Variants in GNA12 observed in about 807,000 individuals in gnomAD.
The protein encoded by GNA12 is G protein subunit alpha 12.
In GNA12, 9 loss-of-function variants were observed where a neutral mutation model predicts 26.0. That is an observed-to-expected ratio of 0.35 (90% confidence interval 0.21 to 0.60). GNA12 has a LOEUF of 0.60. Ranked by LOEUF, GNA12 falls within the 20% of genes least tolerant of loss-of-function variation. The pLI is 0.78. For synonymous variants in GNA12, 264 were observed against 219.6 expected (o/e 1.20, Z -1.79); for missense variants, 405 against 525.8 (o/e 0.77, Z 2.25).
chr7:2,818,896 C>G (rs1793284315), intron 1 of GNA12, among the ~76,000 whole-genome samples: 2 of 152,160 alleles, frequency 1.3e-5, no homozygotes, highest in Admixed American at 6.5e-5. Flanking sequence ...TCCCCTGTAA[C>G]TAGAAGGCTG....
rs1792967455 is a variant in GNA12, at chr7:2,807,062, T to C, written c.310-11919A>G. On this transcript the variant is annotated intron_variant, in intron 1 of 3. Coordinates refer to ENST00000275364, the MANE Select transcript of GNA12 (RefSeq NM_007353.3). ...CTTTATTTTCCCCCAAATTGTTTTT[T>C]AGTTGATCTATTTGCTTCACGAAAA... Among the ~76,000 whole-genome samples, 2 of 152,248 alleles carry C rather than the reference T, an allele frequency of 1.3e-5. 1 individual carries two copies. The highest frequency in any genetic ancestry group is 4.1e-4 in the South Asian group (2 of 4,834).
chr7:2,824,149 C>T (rs762566315), intron 1 of GNA12, among the ~76,000 whole-genome samples: 4 of 152,220 alleles, frequency 2.6e-5, no homozygotes, highest in Non-Finnish European at 5.9e-5. Context: ...TCCTAACACG[C>T]TGGTCCCACA....
chr7:2,758,708 G>T (rs1437826240), intron 2 of GNA12, among the ~76,000 whole-genome samples: 5 of 152,228 alleles, frequency 3.3e-5, no homozygotes, highest in African/African-American at 1.2e-4. Flanking sequence ...GTAGCAGCGT[G>T]CCCCTAACAG....
intron 1 of GNA12, among the ~76,000 whole-genome samples, chr7:2,832,589 T>C (rs1024423706): frequency 7.2e-5 from 11 of 152,214 alleles, no homozygotes; most frequent in African/African-American, 2.4e-4. Flanking sequence ...TAAGTAGCTA[T>C]TGATTACCCA....
At chr7:2,765,491 G>A (rs780953384) in intron 2 of GNA12, among the ~76,000 whole-genome samples, 8 of 152,010 alleles carry the variant, frequency 5.3e-5, no homozygotes, top group Non-Finnish European at 8.8e-5. Flanking sequence ...ATGAATGAGC[G>A]CGCAGGGAAG....
At chr7:2,824,787 A>C (rs2114966540) in intron 1 of GNA12, among the ~76,000 whole-genome samples, 1 of 152,314 alleles carries the variant, frequency 6.6e-6, no homozygotes, top group Non-Finnish European at 1.5e-5. Flanking sequence ...CGCAATAAAA[A>C]AATCCCTGCT....
intron 1 of GNA12, among the ~76,000 whole-genome samples, chr7:2,836,762 A>G (rs561777415): frequency 6.6e-6 from 1 of 152,182 alleles, no homozygotes; most frequent in East Asian, 1.9e-4. Context: ...CATTTCTACT[A>G]AAAATACAAA....
intron 2 of GNA12, chr7:2,763,060 G>A: frequency 8.0e-7 from 1 of 1,246,484 alleles, no homozygotes; most frequent in East Asian, 3.1e-5. Context: ...CCAGGACGCA[G>A]ACCGGGGCTC....
chr7:2,784,322 G>A (rs939277460), intron 2 of GNA12, among the ~76,000 whole-genome samples: 14 of 151,896 alleles, frequency 9.2e-5, no homozygotes, highest in African/African-American at 2.2e-4. Flanking sequence ...GTTTTGCCCC[G>A]TTGCCCAGGC....
rs774700519 is a variant in GNA12 at position 2,731,582 on chromosome 7, G to A, written c.745C>T (p.Leu249=). The change falls in exon 4 of 4, where the codon CTG becomes TTG. Residue 249 remains leucine (L), a synonymous_variant. Coordinates refer to ENST00000275364, the MANE Select transcript of GNA12 (RefSeq NM_007353.3). This position sits in a 1 kb window ranked among gnomAD's most constrained non-coding sequence, Gnocchi z 6.0. ...TACTCGCTGGAGGAGACCATGAACA[G>A]GATGGACGTGATCCCGTCGAAGCAC... is the stretch of plus-strand genomic sequence containing the variant. ...FQCFDGITSI[L]FMVSSSEYDQ... 6.2e-7 allele frequency: 1 copy of A among 1,613,698 alleles called. No individual in the cohort carries two copies.
chr7:2,742,034 T>G (rs951994015), intron 2 of GNA12, among the ~76,000 whole-genome samples: 1 of 151,954 alleles, frequency 6.6e-6, no homozygotes, highest in Non-Finnish European at 1.5e-5. Flanking sequence ...ATTTTTTTAT[T>G]TTTTTGAGAT....
At chr7:2,817,578 C>G (rs982262539) in intron 1 of GNA12, among the ~76,000 whole-genome samples, 2 of 152,246 alleles carry the variant, frequency 1.3e-5, no homozygotes, top group Non-Finnish European at 2.9e-5. Context: ...TCTTCACTTA[C>G]TCATTATTTG....
At chr7:2,816,497 C>T (rs1345107305) in intron 1 of GNA12, among the ~76,000 whole-genome samples, 5 of 152,236 alleles carry the variant, frequency 3.3e-5, no homozygotes. Context: ...TCCCAAAGTG[C>T]TGGGATTACA....
rs1393299603 is a variant in GNA12 at position 2,731,222 on chromosome 7, T to C, written c.1105A>G (p.Thr369Ala). 1.2e-6 allele frequency: 2 copies of C among 1,613,202 alleles called. No individual in the cohort carries two copies. Among genetic ancestry groups the C allele is most frequent in the Non-Finnish European group, 1.7e-6 (2 of 1,179,642 alleles). ...TCCTTCAGGTTCTCCTGCAGGATGG[T>C]GTCTTTCACAGCATGGAACACGAAG... is the stretch of plus-strand genomic sequence containing the variant. ...VRFVFHAVKD[T>A]ILQENLKDIM... The change falls in exon 4 of 4, where the codon ACC becomes GCC. Residue 369 changes from threonine to alanine, a missense_variant. By Grantham distance (58) the Thr-to-Ala change is moderately conservative (BLOSUM62 0). Transcript: ENST00000275364. This position sits in a 1 kb window ranked among gnomAD's most constrained non-coding sequence, Gnocchi z 6.0.
At chr7:2,767,694 C>G (rs1218034701) in intron 2 of GNA12, among the ~76,000 whole-genome samples, 2 of 152,194 alleles carry the variant, frequency 1.3e-5, no homozygotes, top group Non-Finnish European at 2.9e-5. Flanking sequence ...AAACCCTTAG[C>G]ACCAGATATA....
rs41305918 is a variant in GNA12 at position 2,731,795 on chromosome 7, G to T, written c.577-45C>A. 1.8e-3 allele frequency: 1,784 copies of T among 1,013,456 alleles called. 1 individual carries two copies. Among genetic ancestry groups the T allele is most frequent in the Non-Finnish European group, 2.3e-3 (1,630 of 714,434 alleles). 62.8% of individuals were successfully genotyped at this position (1,013,456 alleles called of 1,614,324 possible). ...GCAGAAATTTAGGGGGAGGAAGAAAGAACAGAGAAAATAGAAACAAAAAGA... is the reference window on the plus strand; with the variant it reads ...GCAGAAATTTAGGGGGAGGAAGAAATAACAGAGAAAATAGAAACAAAAAGA... On this transcript the variant is annotated intron_variant, in intron 3 of 3. Transcript: ENST00000275364. The surrounding 1 kb of genome is among the most constrained non-coding windows in gnomAD (Gnocchi z 6.0).
At chr7:2,757,821 GT>G (rs1300740494) in intron 2 of GNA12, among the ~76,000 whole-genome samples, 1 of 152,138 alleles carries the variant, frequency 6.6e-6, no homozygotes, top group Non-Finnish European at 1.5e-5. Context: ...CGCTTGCTGA[GT>G]CAATGAAGAC....
At chr7:2,765,820 G>A (rs974765220) in intron 2 of GNA12, among the ~76,000 whole-genome samples, 9 of 151,552 alleles carry the variant, frequency 5.9e-5, no homozygotes, top group Non-Finnish European at 8.8e-5. Flanking sequence ...AGTAGAGATG[G>A]GGATTTCACC....
intron 2 of GNA12, among the ~76,000 whole-genome samples, chr7:2,737,289 G>GTTTTTTTTTTTTTTTTTTTT (rs11389467): frequency 9.6e-5 from 6 of 62,312 alleles, no homozygotes; most frequent in East Asian, 4.3e-4. Context: ...TTTTTTTTTT[G>GTTTTTTTTTTTTTTTTTTTT]TTTTTTTTTT....
Sources: allele counts gnomAD v4.1 joint callset (sites outside exome capture counted in the v4.1 genomes callset), GRCh38; gene constraint gnomAD v4.1.1; non-coding constraint Gnocchi (gnomAD v3.1); transcripts MANE v1.5; gene names NCBI Gene and HGNC (gene_info 2026-07-23, HGNC 2026-07-21).